Variants in NAALADL2 observed in about 807,000 individuals in gnomAD.
NAALADL2 encodes the protein inactive N-acetylated-alpha-linked acidic dipeptidase-like protein 2.
Under a neutral mutation model 87.2 loss-of-function variants are expected in NAALADL2, and 76 were observed. That is an observed-to-expected ratio of 0.87 (90% confidence interval 0.72 to 1.05). The LOEUF is 1.05. Ranked by LOEUF, NAALADL2 falls within the 50% of genes least tolerant of loss-of-function variation. NAALADL2 has a pLI of 0.00. For synonymous variants in NAALADL2, 354 were observed against 331.0 expected (o/e 1.07, Z -0.75); for missense variants, 1,089 against 945.8 (o/e 1.15, Z -1.99).
chr3:174,617,499 G>T (rs538355251), intron 2 of NAALADL2, among the ~76,000 whole-genome samples: 3 of 151,646 alleles, frequency 2.0e-5, no homozygotes, highest in East Asian at 1.9e-4. Context: ...ATACTGTAAA[G>T]AATTTTTATA....
At chr3:175,619,471 G>GAA (rs60441964) in intron 10 of NAALADL2, among the ~76,000 whole-genome samples, 2,601 of 143,242 alleles carry the variant, frequency 0.018, 53 homozygotes, top group Admixed American at 0.039. Context: ...AACATGGTGG[G>GAA]AAAAAAAAAA....
chr3:174,948,248 C>T (rs542783288), intron 1 of NAALADL2, among the ~76,000 whole-genome samples: 3 of 152,164 alleles, frequency 2.0e-5, no homozygotes, highest in South Asian at 2.1e-4. Flanking sequence ...TTGATCTCCG[C>T]TCACTGCAAC....
chr3:174,851,054 C>T (rs758679231), intron 3 of NAALADL2, among the ~76,000 whole-genome samples: 18 of 151,864 alleles, frequency 1.2e-4, no homozygotes, highest in Non-Finnish European at 1.9e-4. Context: ...TTTTTCAATT[C>T]TAGAAACAAA....
intron 1 of NAALADL2, among the ~76,000 whole-genome samples, chr3:174,462,576 AAGAT>A (rs1716280537): frequency 6.6e-6 from 1 of 152,172 alleles, no homozygotes; most frequent in Non-Finnish European, 1.5e-5. Context: ...CTGAAAAATA[AAGAT>A]AGATCCGGAT....
intron 3 of NAALADL2, among the ~76,000 whole-genome samples, chr3:174,799,350 G>A (rs531461665): frequency 2.6e-5 from 4 of 152,172 alleles, no homozygotes; most frequent in African/African-American, 9.6e-5. Flanking sequence ...TGTGTTATGG[G>A]AGGGACTTGG....
intron 1 of NAALADL2, among the ~76,000 whole-genome samples, chr3:174,930,386 G>A (rs1335169292): frequency 4.6e-5 from 7 of 151,746 alleles, no homozygotes; most frequent in Admixed American, 1.3e-4. Context: ...GCTATTTTGA[G>A]TAATCCTTTC....
intron 3 of NAALADL2, among the ~76,000 whole-genome samples, chr3:174,845,754 G>A (rs1724551023): frequency 6.6e-6 from 1 of 152,102 alleles, no homozygotes; most frequent in Admixed American, 6.5e-5. Context: ...GTTTTTCTGG[G>A]GGATAGGGTA....
At chr3:175,429,430 T>C (rs1027953433) in intron 5 of NAALADL2, among the ~76,000 whole-genome samples, 4 of 152,052 alleles carry the variant, frequency 2.6e-5, no homozygotes, top group Non-Finnish European at 5.9e-5. Context: ...CTATACTGTT[T>C]CTTAATTCAA....
chr3:175,082,046 GTA>G (rs796072487), intron 1 of NAALADL2, among the ~76,000 whole-genome samples: 10 of 110,546 alleles, frequency 9.0e-5, no homozygotes, highest in African/African-American at 1.7e-4. Context: ...GTGTGTATGT[GTA>G]TGTGTGTGTG....
At chr3:174,658,885 A>G (rs193073957) in intron 2 of NAALADL2, among the ~76,000 whole-genome samples, 2 of 152,316 alleles carry the variant, frequency 1.3e-5, no homozygotes, top group Admixed American at 1.3e-4. Context: ...ACAAATATGT[A>G]TAATGCAGTC....
intron 3 of NAALADL2, among the ~76,000 whole-genome samples, chr3:174,796,248 G>A (rs1338666342): frequency 2.0e-5 from 3 of 152,124 alleles, no homozygotes; most frequent in South Asian, 2.1e-4. Flanking sequence ...TAACTCTAAC[G>A]GGTACAAGTA....
intron 2 of NAALADL2, among the ~76,000 whole-genome samples, chr3:174,616,094 C>A (rs1720433308): frequency 6.6e-6 from 1 of 151,784 alleles, no homozygotes; most frequent in Non-Finnish European, 1.5e-5. Context: ...TAATTTGCCC[C>A]CCTGTACCCA....
chr3:174,644,671 G>T (rs779587056), intron 2 of NAALADL2, among the ~76,000 whole-genome samples: 3 of 152,128 alleles, frequency 2.0e-5, no homozygotes, highest in Non-Finnish European at 4.4e-5. Context: ...TCCCCAAGTG[G>T]AGCCTGAGAC....
intron 2 of NAALADL2, among the ~76,000 whole-genome samples, chr3:175,116,442 GACAA>G (rs755034002): frequency 2.9e-4 from 44 of 151,388 alleles, no homozygotes; most frequent in Non-Finnish European, 4.6e-4. Context: ...ACCAATAACA[GACAA>G]ACAGAGAGCC....
chr3:174,724,771 G>C (rs1419059590), intron 2 of NAALADL2, among the ~76,000 whole-genome samples: 1 of 152,118 alleles, frequency 6.6e-6, no homozygotes, highest in Non-Finnish European at 1.5e-5. Flanking sequence ...TGGAATAGTA[G>C]ATCTATTTTG....
At chr3:175,368,146 G>T (rs1033685645) in intron 5 of NAALADL2, among the ~76,000 whole-genome samples, 2 of 152,080 alleles carry the variant, frequency 1.3e-5, no homozygotes, top group African/African-American at 2.4e-5. Context: ...CTGTTTATAC[G>T]CTGGATTACA....
chr3:175,490,460 C>T (rs1053066473), intron 9 of NAALADL2, among the ~76,000 whole-genome samples: 1 of 151,980 alleles, frequency 6.6e-6, no homozygotes, highest in Non-Finnish European at 1.5e-5. Context: ...GATCTCAGCT[C>T]ACTGCAAGCT....
intron 3 of NAALADL2, among the ~76,000 whole-genome samples, chr3:174,790,288 T>A (rs1459332028): frequency 6.6e-6 from 1 of 152,192 alleles, no homozygotes; most frequent in East Asian, 1.9e-4. Context: ...CTATGTGGCA[T>A]GCTGCATCCG....
chr3:175,561,894 A>G (rs1716331586), intron 9 of NAALADL2, among the ~76,000 whole-genome samples: 1 of 152,208 alleles, frequency 6.6e-6, no homozygotes, highest in African/African-American at 2.4e-5. Context: ...CATAATGTAG[A>G]CTTCAACATT....
Sources: gnomAD v4.1 joint callset for allele counts (sites outside exome capture counted in the v4.1 genomes callset) on GRCh38, gnomAD v4.1.1 for gene constraint, MANE v1.5 for transcripts, NCBI Gene and HGNC (gene_info 2026-07-23, HGNC 2026-07-21) for gene names.